The following RBFOX2 variants were observed in gnomAD, a reference collection of about 807,000 sequenced individuals.
RBFOX2 encodes RNA binding protein fox-1 homolog 2.
RBFOX2 carries 10 observed loss-of-function variants against 49.1 expected under a neutral mutation model. The ratio of observed to expected loss-of-function variants is 0.20; its 90% CI spans 0.13 to 0.35. The LOEUF is 0.35. RBFOX2 is among the 10% of genes least tolerant of loss of function. RBFOX2 has a pLI of 1.00. For synonymous variants in RBFOX2, 183 were observed against 187.4 expected (o/e 0.98, Z 0.19); for missense variants, 323 against 486.9 (o/e 0.66, Z 3.17).
chr22:35,771,665 T>A (rs941750159), intron 4 of RBFOX2, among the ~76,000 whole-genome samples: 1 of 152,212 alleles, frequency 6.6e-6, no homozygotes, highest in Non-Finnish European at 1.5e-5. Flanking sequence ...TTTTCTCTCA[T>A]GTTTAAACTT....
At chr22:35,810,577 T>C (rs982860477) in intron 1 of RBFOX2, among the ~76,000 whole-genome samples, 2 of 152,108 alleles carry the variant, frequency 1.3e-5, no homozygotes, top group East Asian at 1.9e-4. Context: ...GAACAATTCA[T>C]TGAAAATGAA....
intron 1 of RBFOX2, among the ~76,000 whole-genome samples, chr22:35,877,526 G>A (rs991033364): frequency 2.6e-5 from 4 of 152,118 alleles, no homozygotes; most frequent in Middle Eastern, 3.2e-3. Context: ...GGTCTGAAAC[G>A]GTAACAATCA....
At chr22:35,884,903 A>T (rs575333721) in intron 1 of RBFOX2, among the ~76,000 whole-genome samples, 1 of 152,286 alleles carries the variant, frequency 6.6e-6, no homozygotes, top group African/African-American at 2.4e-5. Flanking sequence ...GAAACAAGAT[A>T]ATAGTAATGA....
At chr22:35,880,701 T>C (rs889867752) in intron 1 of RBFOX2, among the ~76,000 whole-genome samples, 2 of 152,232 alleles carry the variant, frequency 1.3e-5, no homozygotes, top group African/African-American at 4.8e-5. Context: ...ATACATGTAT[T>C]CCTTGGACCC....
At chr22:35,768,470 A>G in intron 4 of RBFOX2, 121 bp from the exon 6 acceptor site, 1 of 825,542 alleles carries the variant, frequency 1.2e-6, no homozygotes, top group Non-Finnish European at 1.9e-6. Context: ...CTCAGCAATA[A>G]TCTCCCAAAG....
chr22:35,881,536 C>G (rs369677771), intron 1 of RBFOX2, among the ~76,000 whole-genome samples: 1 of 151,466 alleles, frequency 6.6e-6, no homozygotes, highest in Non-Finnish European at 1.5e-5. Flanking sequence ...GAGCTGTGAT[C>G]GCACCACTGC....
intron 1 of RBFOX2, among the ~76,000 whole-genome samples, chr22:35,902,215 T>C (rs748465499): frequency 2.6e-5 from 4 of 152,208 alleles, no homozygotes; most frequent in Non-Finnish European, 1.5e-5. Context: ...ATTTTTGACG[T>C]CATGAAGTCC....
At chr22:35,781,823 T>A in intron 2 of RBFOX2, 77 bp from the exon 4 acceptor site, 1 of 1,581,748 alleles carries the variant, frequency 6.3e-7, no homozygotes, top group South Asian at 1.1e-5. Flanking sequence ...ACAGCAATCA[T>A]CCCCAAACAG....
chr22:35,787,370 C>T (rs1427317157), intron 2 of RBFOX2, among the ~76,000 whole-genome samples: 1 of 151,972 alleles, frequency 6.6e-6, no homozygotes, highest in Non-Finnish European at 1.5e-5. Flanking sequence ...AGAAATAGGT[C>T]AGGCTATGCA....
At chr22:35,826,977 G>C (rs1955894605) in intron 1 of RBFOX2, among the ~76,000 whole-genome samples, 1 of 152,156 alleles carries the variant, frequency 6.6e-6, no homozygotes, top group Non-Finnish European at 1.5e-5. Flanking sequence ...TGGATGGGGG[G>C]ATTACTTTAC....
intron 2 of RBFOX2, among the ~76,000 whole-genome samples, chr22:35,802,838 T>G (rs748658206): frequency 6.6e-6 from 1 of 152,030 alleles, no homozygotes; most frequent in Non-Finnish European, 1.5e-5. Flanking sequence ...ACTACATGGA[T>G]GAGGAAGGGA....
At chr22:35,909,665 G>A (rs915627403) in intron 1 of RBFOX2, among the ~76,000 whole-genome samples, 1 of 152,198 alleles carries the variant, frequency 6.6e-6, no homozygotes, top group East Asian at 1.9e-4. Flanking sequence ...CTGTTGGAGC[G>A]AAGTGGCACA....
upstream of RBFOX2, among the ~76,000 whole-genome samples, chr22:35,845,261 A>G (rs2041034865): frequency 6.6e-6 from 1 of 152,150 alleles, no homozygotes; most frequent in Non-Finnish European, 1.5e-5. Context: ...CTCTAATACA[A>G]TACCACTTTA....
chr22:36,003,461 T>A (rs1021244775), intron 1 of RBFOX2, among the ~76,000 whole-genome samples: 1 of 151,970 alleles, frequency 6.6e-6, no homozygotes, highest in Non-Finnish European at 1.5e-5. Flanking sequence ...GGGGAAAAAA[T>A]TAGATGTAGG....
intron 1 of RBFOX2, among the ~76,000 whole-genome samples, chr22:35,865,801 T>C (rs1436222366): frequency 1.3e-5 from 2 of 152,172 alleles, no homozygotes; most frequent in African/African-American, 2.4e-5. Flanking sequence ...CCCAAAAGAT[T>C]CCAAATGATA....
chr22:35,891,008 T>C (rs2047172961), intron 1 of RBFOX2, among the ~76,000 whole-genome samples: 1 of 152,140 alleles, frequency 6.6e-6, no homozygotes, highest in African/African-American at 2.4e-5. Context: ...AAATAGCACA[T>C]AAAAGGATTT....
intron 1 of RBFOX2, among the ~76,000 whole-genome samples, chr22:35,882,795 C>T (rs2046083030): frequency 6.6e-6 from 1 of 152,290 alleles, no homozygotes; most frequent in South Asian, 2.1e-4. Flanking sequence ...CAGTTTTGCA[C>T]ATATCATCTG....
At chr22:35,933,365 T>G (rs968359451) in intron 1 of RBFOX2, among the ~76,000 whole-genome samples, 6 of 152,240 alleles carry the variant, frequency 3.9e-5, no homozygotes, top group African/African-American at 1.4e-4. Context: ...GTACCACAAA[T>G]ATATACATTT....
intron 1 of RBFOX2, chr22:35,821,674 T>C (rs1160423609): frequency 2.0e-6 from 1 of 501,342 alleles, no homozygotes; most frequent in Non-Finnish European, 3.9e-6. Context: ...CTTTGAGGAC[T>C]GACCTTCTTT....
Sources: allele counts gnomAD v4.1 joint callset (sites outside exome capture counted in the v4.1 genomes callset), GRCh38; gene constraint gnomAD v4.1.1; transcripts MANE v1.5; gene names NCBI Gene and HGNC (gene_info 2026-07-23, HGNC 2026-07-21).